The following DSCAM variants were observed in gnomAD, a reference collection of about 807,000 sequenced individuals.
DSCAM encodes the protein DS cell adhesion molecule, also known as cell adhesion molecule DSCAM.
In DSCAM, 47 loss-of-function variants were observed where a neutral mutation model predicts 217.7. The observed-to-expected ratio is 0.22, with a 90% confidence interval of 0.17 to 0.28. DSCAM has a LOEUF of 0.28. Ranked by LOEUF, DSCAM falls within the 10% of genes least tolerant of loss-of-function variation. The pLI is 1.00. For synonymous variants in DSCAM, 1,056 were observed against 1,015.3 expected, an observed-to-expected ratio of 1.04 and a Z score of -0.76; for missense variants, 2,080 against 2,618.3, an observed-to-expected ratio of 0.79 and a Z score of 4.49.
At chr21:40,361,366 A>T (rs933614605) in intron 4 of DSCAM, among the ~76,000 whole-genome samples, 3 of 152,176 alleles carry the variant, frequency 2.0e-5, no homozygotes, top group African/African-American at 7.2e-5. Context: ...CACGCCTGTA[A>T]TCCCAGCACT....
chr21:40,109,698 A>G (rs2089869903), intron 20 of DSCAM, among the ~76,000 whole-genome samples: 1 of 152,224 alleles, frequency 6.6e-6, no homozygotes, highest in African/African-American at 2.4e-5. Flanking sequence ...CGGCACCTGG[A>G]AAATCGGGTC....
At chr21:40,703,046 T>G (rs964216883) in intron 2 of DSCAM, among the ~76,000 whole-genome samples, 1 of 152,208 alleles carries the variant, frequency 6.6e-6, no homozygotes, top group Non-Finnish European at 1.5e-5. Flanking sequence ...AAAAATCTGA[T>G]TTAGATACTC....
intron 3 of DSCAM, among the ~76,000 whole-genome samples, chr21:40,529,369 G>A (rs1215072005): frequency 6.6e-6 from 1 of 152,200 alleles, no homozygotes; most frequent in East Asian, 1.9e-4. Context: ...CTGTTTCTTA[G>A]TGGCCGTTAA....
intron 1 of DSCAM, among the ~76,000 whole-genome samples, chr21:40,783,881 G>A (rs1252207889): frequency 4.6e-5 from 7 of 152,032 alleles, no homozygotes; most frequent in East Asian, 1.9e-4. Flanking sequence ...CTAAAAAATC[G>A]CATTCTTCTC....
At chr21:40,080,959 C>T (rs888578786) in intron 24 of DSCAM, among the ~76,000 whole-genome samples, 9 of 152,168 alleles carry the variant, frequency 5.9e-5, no homozygotes, top group African/African-American at 2.2e-4. Context: ...GATGACTGTC[C>T]ACTCTAGAGC....
At chr21:40,532,298 G>A (rs1011764821) in intron 3 of DSCAM, among the ~76,000 whole-genome samples, 2 of 152,074 alleles carry the variant, frequency 1.3e-5, no homozygotes, top group Admixed American at 1.3e-4. Flanking sequence ...CTGACGTCAA[G>A]TTAAAAAAAT....
At chr21:40,581,567 A>AGG (rs2076905942) in intron 3 of DSCAM, among the ~76,000 whole-genome samples, 1 of 152,106 alleles carries the variant, frequency 6.6e-6, no homozygotes, top group Non-Finnish European at 1.5e-5. Flanking sequence ...GTGTGAGAGG[A>AGG]GGGGAGTGGG....
intron 32 of DSCAM, among the ~76,000 whole-genome samples, chr21:40,036,303 A>G (rs1186192111): frequency 6.7e-6 from 1 of 150,084 alleles, no homozygotes; most frequent in Non-Finnish European, 1.5e-5. Flanking sequence ...AGAAGAATCA[A>G]ATAGATGCAA....
intron 3 of DSCAM, among the ~76,000 whole-genome samples, chr21:40,530,996 G>A (rs886556976): frequency 1.3e-5 from 2 of 151,948 alleles, no homozygotes; most frequent in Middle Eastern, 3.4e-3. Flanking sequence ...GACTCCCCTC[G>A]ACTGAACTAT....
At chr21:40,442,051 C>G (rs1440083660) in intron 3 of DSCAM, among the ~76,000 whole-genome samples, 1 of 152,112 alleles carries the variant, frequency 6.6e-6, no homozygotes, top group Non-Finnish European at 1.5e-5. Context: ...ATGAAGACAA[C>G]CAAACAATTA....
intron 3 of DSCAM, among the ~76,000 whole-genome samples, chr21:40,500,699 A>T (rs2076164016): frequency 6.6e-6 from 1 of 152,226 alleles, no homozygotes; most frequent in African/African-American, 2.4e-5. Context: ...CAAAACTGTC[A>T]TCTTCCCTAG....
At chr21:40,827,304 G>A (rs959495137) in intron 1 of DSCAM, among the ~76,000 whole-genome samples, 1 of 151,796 alleles carries the variant, frequency 6.6e-6, no homozygotes, top group Admixed American at 6.6e-5. Flanking sequence ...CCCCATCTCT[G>A]CAAAAAAATT....
chr21:40,478,145 C>T (rs536818283), intron 3 of DSCAM, among the ~76,000 whole-genome samples: 121 of 152,300 alleles, frequency 7.9e-4, no homozygotes, highest in Non-Finnish European at 1.5e-3. Context: ...TTCAACATTA[C>T]CTTTTCAAGA....
At chr21:40,195,158 A>G (rs947107715) in intron 11 of DSCAM, among the ~76,000 whole-genome samples, 11 of 152,228 alleles carry the variant, frequency 7.2e-5, no homozygotes, top group African/African-American at 2.7e-4. Context: ...AAATTGATGA[A>G]TATCTTAATT....
chr21:40,498,654 T>G (rs1266783697), intron 3 of DSCAM, among the ~76,000 whole-genome samples: 1 of 128,106 alleles, frequency 7.8e-6, no homozygotes. Context: ...ATAGTGTGTG[T>G]GTATATATAT....
At chr21:40,780,417 G>A (rs201686202) in intron 1 of DSCAM, among the ~76,000 whole-genome samples, 12,000 of 37,766 alleles carry the variant, frequency 0.32, 1,095 homozygotes, top group Non-Finnish European at 0.36. Context: ...GTGTGTGTGT[G>A]TGTGTGTATA....
chr21:40,118,386 GA>G (rs1419045012), intron 20 of DSCAM, among the ~76,000 whole-genome samples: 1 of 152,140 alleles, frequency 6.6e-6, no homozygotes, highest in Non-Finnish European at 1.5e-5. Flanking sequence ...AGAAGTTTGA[GA>G]GCAGCCTGGC....
intron 3 of DSCAM, among the ~76,000 whole-genome samples, chr21:40,532,907 T>C (rs556736698): frequency 0.14 from 19,045 of 131,556 alleles, 2,265 homozygotes; most frequent in African/African-American, 0.34. Context: ...TGTGTGTGTG[T>C]GTGCACACGC....
intron 20 of DSCAM, among the ~76,000 whole-genome samples, chr21:40,094,894 C>A (rs1458464942): frequency 1.3e-5 from 2 of 152,136 alleles, no homozygotes; most frequent in African/African-American, 4.8e-5. Flanking sequence ...AAGTTTAACA[C>A]CTACTAAAAT....
Sources: gnomAD v4.1 joint callset for allele counts (sites outside exome capture counted in the v4.1 genomes callset) on GRCh38, gnomAD v4.1.1 for gene constraint, MANE v1.5 for transcripts, NCBI Gene and HGNC (gene_info 2026-07-23, HGNC 2026-07-21) for gene names.